RGS5: variants seen among roughly 807,000 people sequenced by gnomAD.
The protein encoded by RGS5 is regulator of G-protein signalling 5.
In RGS5, 20 loss-of-function variants were observed where a neutral mutation model predicts 18.9. The observed-to-expected ratio is 1.06, with a 90% CI of 0.74 to 1.54. RGS5 has a LOEUF of 1.54. Ranked by LOEUF, RGS5 falls within the 40% of genes most tolerant of loss-of-function variation. The pLI, the probability that RGS5 is intolerant of heterozygous loss-of-function variation, is 0.00. For missense variants in RGS5, 201 were observed against 211.8 expected (o/e 0.95, Z 0.32); for synonymous variants, 57 against 76.2 (o/e 0.75, Z 1.31).
chr1:163,287,089 T>C (rs982703744), intron 2 of RGS5, among the ~76,000 whole-genome samples: 5 of 152,188 alleles, frequency 3.3e-5, no homozygotes, highest in African/African-American at 1.2e-4. Context: ...TTATTTCCTG[T>C]GCAATAAGTA....
At chr1:163,178,293 A>G (rs984164307) in intron 1 of RGS5, among the ~76,000 whole-genome samples, 1 of 152,170 alleles carries the variant, frequency 6.6e-6, no homozygotes, top group Non-Finnish European at 1.5e-5. Context: ...CCTAGAAAAC[A>G]AAAGGGAGAC....
chr1:163,298,191 A>T (rs115852932), intron 2 of RGS5, among the ~76,000 whole-genome samples: 3 of 152,186 alleles, frequency 2.0e-5, no homozygotes, highest in African/African-American at 7.2e-5. Context: ...ATATATGTGC[A>T]TATCACTTCA....
intron 2 of RGS5, among the ~76,000 whole-genome samples, chr1:163,245,444 T>A (rs561708614): frequency 6.6e-6 from 1 of 152,374 alleles, no homozygotes; most frequent in Middle Eastern, 3.4e-3. Flanking sequence ...AATATTGCTA[T>A]AAGATTTTGC....
upstream of RGS5, among the ~76,000 whole-genome samples, chr1:163,205,288 C>T (rs369318192): frequency 1.0e-4 from 15 of 143,838 alleles, no homozygotes; most frequent in East Asian, 6.1e-4. Context: ...TATACTGTAC[C>T]GTACACTTAA....
In RGS5 at chr1:163,168,246, T is replaced by C. The variant is rs781612474; in HGVS notation, c.155+12A>G. 2 of 1,590,506 alleles carry C rather than the reference T, an allele frequency of 1.3e-6. No individual in the cohort carries two copies. Among genetic ancestry groups the C allele is most frequent in the African/African-American group, 2.7e-5 (2 of 74,566 alleles). On this transcript the variant is annotated intron_variant, in intron 2 of 4. Coordinates refer to ENST00000313961, the MANE Select transcript of RGS5 (RefSeq NM_003617.4). The stretch of plus-strand genomic sequence containing the variant: ...CTGGAGGAAATGAGTGGAATCCATA[T>C]TCATGACTCACTTCTGGGTCTTGGC...
chr1:163,275,677 T>C (rs1027125801), intron 2 of RGS5, among the ~76,000 whole-genome samples: 3 of 152,236 alleles, frequency 2.0e-5, no homozygotes, highest in Admixed American at 6.5e-5. Context: ...ACATCTCTTT[T>C]CAGCTTTATA....
Position 163,285,325 on chromosome 1 carries a change from C to A in RGS5, c.-281+20908G>T, listed in dbSNP as rs972245115. ...ATCCCAGCACTTTGGGAGGCCAAGA[C>A]AGGTGGATCACTTGAGGTCAGGAGT... On this transcript the variant is annotated intron_variant, in intron 2 of 5. Coordinates refer to the RGS5 transcript ENST00000618415. 2.6e-5 allele frequency among the ~76,000 whole-genome samples: 4 copies of A among 152,072 alleles called. No homozygotes were observed. The East Asian group carries it at 7.7e-4, about 29-fold the overall frequency.
At chr1:163,230,539 C>T (rs1317541181) in intron 2 of RGS5, among the ~76,000 whole-genome samples, 1 of 152,074 alleles carries the variant, frequency 6.6e-6, no homozygotes, top group Non-Finnish European at 1.5e-5. Flanking sequence ...ATTGACTCTC[C>T]CCACACCTTG....
chr1:163,165,919 A>C (rs1219389611), intron 2 of RGS5, among the ~76,000 whole-genome samples: 1 of 94,422 alleles, frequency 1.1e-5, no homozygotes, highest in Non-Finnish European at 2.5e-5. Flanking sequence ...AAAAAAACAA[A>C]AAAAAAACAG....
intron 2 of RGS5, among the ~76,000 whole-genome samples, chr1:163,256,479 T>A (rs2101702312): frequency 6.6e-6 from 1 of 152,284 alleles, no homozygotes; most frequent in African/African-American, 2.4e-5. Context: ...AGGAAGAAGC[T>A]GATGAATACG....
upstream of RGS5, among the ~76,000 whole-genome samples, chr1:163,204,311 A>ACC (rs1659886917): frequency 2.4e-5 from 1 of 42,506 alleles, no homozygotes; most frequent in South Asian, 6.0e-4. Flanking sequence ...GCTCTAAACC[A>ACC]CACACACACA....
At chr1:163,255,157 T>C (rs1648236529) in intron 2 of RGS5, among the ~76,000 whole-genome samples, 1 of 152,076 alleles carries the variant, frequency 6.6e-6, no homozygotes, top group African/African-American at 2.4e-5. Context: ...ATATGAACTT[T>C]AAAGTAGTTT....
At chr1:163,306,194 T>G (rs1385698959) in intron 2 of RGS5, 2 of 152,214 alleles carry the variant, frequency 1.3e-5, no homozygotes, top group African/African-American at 4.8e-5. Flanking sequence ...CCTGGGTAAA[T>G]GAGGATAATC....
At chr1:163,217,128 T>C (rs1418594304) in intron 1 of RGS5, among the ~76,000 whole-genome samples, 3 of 152,082 alleles carry the variant, frequency 2.0e-5, no homozygotes, top group Non-Finnish European at 4.4e-5. Flanking sequence ...AAATAACTAT[T>C]GAGTACTAGG....
chr1:163,191,453 T>C (rs1461409436), intron 1 of RGS5, among the ~76,000 whole-genome samples: 1 of 152,186 alleles, frequency 6.6e-6, no homozygotes, highest in Non-Finnish European at 1.5e-5. Context: ...AGATATCCTC[T>C]TCAGAGTAAC....
intron 2 of RGS5, among the ~76,000 whole-genome samples, chr1:163,231,959 G>A (rs1390749295): frequency 6.7e-6 from 1 of 150,256 alleles, no homozygotes; most frequent in Non-Finnish European, 1.5e-5. Context: ...AATCAGAGAG[G>A]CTGATATGCA....
At chr1:163,296,332 G>C (rs1465872561) in intron 2 of RGS5, among the ~76,000 whole-genome samples, 1 of 152,070 alleles carries the variant, frequency 6.6e-6, no homozygotes, top group Non-Finnish European at 1.5e-5. Context: ...AACTTTAACT[G>C]ACCCCGAATT....
At chr1:163,197,006 A>G (rs1237038289) in intron 1 of RGS5, among the ~76,000 whole-genome samples, 1 of 152,146 alleles carries the variant, frequency 6.6e-6, no homozygotes, top group Non-Finnish European at 1.5e-5. Flanking sequence ...TCCTTTTAGT[A>G]ATAAAATCAT....
chr1:163,231,546 C>T (rs1647481698), intron 2 of RGS5, among the ~76,000 whole-genome samples: 1 of 152,056 alleles, frequency 6.6e-6, no homozygotes, highest in Non-Finnish European at 1.5e-5. Context: ...AACAATGTTC[C>T]AGGAATAAAC....
Sources: allele counts gnomAD v4.1 joint callset (sites outside exome capture counted in the v4.1 genomes callset), GRCh38; gene constraint gnomAD v4.1.1; transcripts MANE v1.5; gene names NCBI Gene and HGNC (gene_info 2026-07-23, HGNC 2026-07-21).